The following RNF13 variants were observed in gnomAD, a reference collection of about 807,000 sequenced individuals.
RNF13 encodes E3 ubiquitin-protein ligase RNF13.
In RNF13, 19 loss-of-function variants were observed where a neutral mutation model predicts 37.7. The observed-to-expected ratio is 0.50, with a 90% CI of 0.35 to 0.74. The LOEUF is 0.74. RNF13 is among the 30% of genes least tolerant of loss of function. The probability of loss-of-function intolerance (pLI) is 0.01; values close to 1 mark genes in which losing one functional copy is unlikely to be tolerated. For missense variants in RNF13, 375 were observed against 453.0 expected, an observed-to-expected ratio of 0.83 and a Z score of 1.56; for synonymous variants, 144 against 157.8, an observed-to-expected ratio of 0.91 and a Z score of 0.65.
intron 1 of RNF13, among the ~76,000 whole-genome samples, chr3:149,822,120 T>G (rs1229491916): frequency 6.6e-6 from 1 of 152,156 alleles, no homozygotes; most frequent in African/African-American, 2.4e-5. Context: ...TTGTTTGGCC[T>G]GTTTAGGGCC....
intron 8 of RNF13, among the ~76,000 whole-genome samples, chr3:149,959,221 T>C (rs1214018031): frequency 6.6e-6 from 1 of 152,212 alleles, no homozygotes; most frequent in African/African-American, 2.4e-5. Context: ...TTGAAAAAGC[T>C]GCTGTATTTA....
At chr3:149,927,777 T>C (rs1718791275) in intron 8 of RNF13, among the ~76,000 whole-genome samples, 1 of 152,222 alleles carries the variant, frequency 6.6e-6, no homozygotes, top group Non-Finnish European at 1.5e-5. Flanking sequence ...GCAAATTATC[T>C]GTTCAAGTAC....
intron 6 of RNF13, among the ~76,000 whole-genome samples, chr3:149,910,849 C>T (rs963533724): frequency 6.6e-6 from 1 of 152,132 alleles, no homozygotes; most frequent in Non-Finnish European, 1.5e-5. Flanking sequence ...TAATGCAGAG[C>T]TTTGATGCCA....
intron 5 of RNF13, among the ~76,000 whole-genome samples, chr3:149,900,668 GA>G (rs1393235260): frequency 1.3e-5 from 2 of 151,916 alleles, no homozygotes; most frequent in African/African-American, 4.8e-5. Context: ...TCATTGTGTA[GA>G]AAAAAAGCTT....
chr3:149,942,494 GT>G (rs200856211), intron 8 of RNF13, among the ~76,000 whole-genome samples: 2 of 151,254 alleles, frequency 1.3e-5, no homozygotes, highest in East Asian at 1.9e-4. Context: ...GTTTTGTTTT[GT>G]TTTTTTTACA....
chr3:149,945,547 T>G lies in RNF13; in HGVS notation c.701-14509T>G, dbSNP rs574627639. 2.3e-3 allele frequency among the ~76,000 whole-genome samples: 344 copies of G among 152,308 alleles called. 2 individuals are homozygous for G. Among genetic ancestry groups the G allele is most frequent in the African/African-American group, 7.8e-3 (323 of 41,572 alleles). On this transcript the variant is annotated intron_variant, in intron 8 of 9. Coordinates refer to ENST00000392894, the MANE Select transcript of RNF13 (RefSeq NM_183381.3). ...ATCTCTGCAGACTTAAATGTCCCTGTCTGACAGCTTTGAAGAGAGTAGTGG... is the reference window on the plus strand; with the variant it reads ...ATCTCTGCAGACTTAAATGTCCCTGGCTGACAGCTTTGAAGAGAGTAGTGG...
chr3:149,868,882 A>G (rs931844901), intron 3 of RNF13, among the ~76,000 whole-genome samples: 5 of 151,770 alleles, frequency 3.3e-5, no homozygotes, highest in African/African-American at 1.2e-4. Flanking sequence ...GGTTATTTAC[A>G]TCTTTCTCAA....
chr3:149,871,242 A>G (rs1712022825), intron 3 of RNF13, among the ~76,000 whole-genome samples: 1 of 151,452 alleles, frequency 6.6e-6, no homozygotes, highest in Non-Finnish European at 1.5e-5. Flanking sequence ...GGGTTTTGCC[A>G]TGTTGGCCAG....
chr3:149,813,016 C>A (rs958856197), upstream of RNF13: 1 of 152,472 alleles, frequency 6.6e-6, no homozygotes, highest in African/African-American at 2.4e-5. Context: ...CCACCCTGCT[C>A]TTCCCTTCCA....
intron 2 of RNF13, chr3:149,851,594 C>T (rs1488599476): frequency 6.6e-6 from 1 of 152,114 alleles, no homozygotes; most frequent in Non-Finnish European, 1.5e-5. Context: ...ATCTTCAAAC[C>T]ATCCTTTGTA....
intron 8 of RNF13, among the ~76,000 whole-genome samples, chr3:149,933,229 C>T (rs1447664810): frequency 6.6e-6 from 1 of 150,566 alleles, no homozygotes; most frequent in Admixed American, 6.6e-5. Context: ...TCCTAGGCCT[C>T]TGGGCTTGTG....
intron 8 of RNF13, among the ~76,000 whole-genome samples, chr3:149,930,800 T>C (rs1352127293): frequency 6.6e-6 from 1 of 152,190 alleles, no homozygotes; most frequent in East Asian, 1.9e-4. Context: ...AGATTGTGCC[T>C]TTCTGAGTAA....
At chr3:149,873,372 A>G (rs906009735) in intron 4 of RNF13, among the ~76,000 whole-genome samples, 2 of 152,136 alleles carry the variant, frequency 1.3e-5, no homozygotes, top group African/African-American at 4.8e-5. Context: ...CTGTTATTGA[A>G]TATCTGTTTT....
intron 7 of RNF13, among the ~76,000 whole-genome samples, chr3:149,915,908 T>G (rs914911650): frequency 1.3e-5 from 2 of 152,186 alleles, no homozygotes; most frequent in African/African-American, 4.8e-5. Flanking sequence ...AGGCTGTGAA[T>G]GGATGGTAGT....
At chr3:149,833,338 A>G (rs938474778) in intron 1 of RNF13, among the ~76,000 whole-genome samples, 7 of 152,032 alleles carry the variant, frequency 4.6e-5, no homozygotes, top group African/African-American at 1.7e-4. Flanking sequence ...CAGGCAGGCC[A>G]TTATCTCTTA....
intron 4 of RNF13, among the ~76,000 whole-genome samples, chr3:149,889,156 C>CT (rs1226004836): frequency 4.0e-5 from 6 of 151,742 alleles, no homozygotes; most frequent in African/African-American, 1.4e-4. Context: ...CCAGGATGGT[C>CT]TTTATCTCTT....
At chr3:149,898,787 G>A (rs1715521289) in intron 5 of RNF13, among the ~76,000 whole-genome samples, 1 of 152,138 alleles carries the variant, frequency 6.6e-6, no homozygotes, top group Non-Finnish European at 1.5e-5. Flanking sequence ...ATGTCAAGTA[G>A]TGATAAATGC....
intron 8 of RNF13, among the ~76,000 whole-genome samples, chr3:149,945,741 G>C (rs1034452746): frequency 3.3e-5 from 5 of 152,178 alleles, no homozygotes; most frequent in African/African-American, 1.2e-4. Context: ...CAATCTGGCA[G>C]CACCATTTGC....
chr3:149,914,639 C>A (rs987527530), intron 7 of RNF13, among the ~76,000 whole-genome samples: 1 of 151,940 alleles, frequency 6.6e-6, no homozygotes. Flanking sequence ...TCCCTTGAAA[C>A]TCAAGAACAG....
Sources: gnomAD v4.1 joint callset for allele counts (sites outside exome capture counted in the v4.1 genomes callset) on GRCh38, gnomAD v4.1.1 for gene constraint, MANE v1.5 for transcripts, NCBI Gene and HGNC (gene_info 2026-07-23, HGNC 2026-07-21) for gene names.